The following MAP4K4 variants were observed in gnomAD, a reference collection of about 807,000 sequenced individuals.
The protein encoded by MAP4K4 is mitogen-activated protein kinase kinase kinase kinase 4.
In MAP4K4, 38 loss-of-function variants were observed where a neutral mutation model predicts 189.6. The observed-to-expected ratio is 0.20, with a 90% CI of 0.15 to 0.26. The LOEUF (loss-of-function observed/expected upper bound fraction) is 0.26. MAP4K4 is among the 10% of genes least tolerant of loss of function. The pLI is 1.00. For missense variants in MAP4K4, 1,054 were observed against 1,726.9 expected (o/e 0.61, Z 6.91); for synonymous variants, 610 against 624.3 (o/e 0.98, Z 0.34).
intron 2 of MAP4K4, among the ~76,000 whole-genome samples, chr2:101,751,496 G>T (rs149625017): frequency 2.0e-5 from 3 of 152,258 alleles, no homozygotes; most frequent in African/African-American, 7.2e-5. Context: ...AGGCCAGAGG[G>T]GGTGAAACTT....
At chr2:101,863,895 T>C in exon 17 of MAP4K4, 1 of 1,367,726 alleles carries the variant, frequency 7.3e-7, no homozygotes, top group Non-Finnish European at 9.8e-7. Flanking sequence ...TCAGTGACCC[T>C]TCTCCCAAAT....
chr2:101,842,550 G>C (rs774365777), intron 10 of MAP4K4, 59 bp from the exon 11 acceptor site: 4 of 1,262,210 alleles, frequency 3.2e-6, no homozygotes, highest in Non-Finnish European at 4.5e-6. Flanking sequence ...ATGCTTGTCT[G>C]AACAGGCGTG....
intron 2 of MAP4K4, among the ~76,000 whole-genome samples, chr2:101,775,512 A>G (rs971450032): frequency 1.3e-5 from 2 of 151,964 alleles, no homozygotes; most frequent in African/African-American, 4.8e-5. Context: ...ATTACTGAAT[A>G]TGTTTGTCAT....
chr2:101,773,423 A>T (rs2150385579), intron 2 of MAP4K4, among the ~76,000 whole-genome samples: 1 of 152,306 alleles, frequency 6.6e-6, no homozygotes, highest in Admixed American at 6.5e-5. Flanking sequence ...ATTGCCTTCA[A>T]TTTTTTTCTT....
intron 5 of MAP4K4, among the ~76,000 whole-genome samples, chr2:101,826,048 C>A (rs1322477829): frequency 6.6e-6 from 1 of 152,114 alleles, no homozygotes; most frequent in East Asian, 1.9e-4. Context: ...TTGAGCAGTG[C>A]ATGTAGGATA....
At chr2:101,859,192 C>T in intron 14 of MAP4K4, 110 bp downstream of exon 14, 1 of 875,992 alleles carries the variant, frequency 1.1e-6, no homozygotes. Flanking sequence ...CTGTGGGCAG[C>T]CAGGCTGAAA....
intron 2 of MAP4K4, among the ~76,000 whole-genome samples, chr2:101,778,617 C>T (rs191950452): frequency 6.6e-5 from 10 of 152,112 alleles, no homozygotes; most frequent in African/African-American, 1.2e-4. Flanking sequence ...TAAGAGGAGT[C>T]GGAGAGGATC....
intron 2 of MAP4K4, among the ~76,000 whole-genome samples, chr2:101,762,948 C>A (rs1295108779): frequency 6.6e-6 from 1 of 152,078 alleles, no homozygotes; most frequent in African/African-American, 2.4e-5. Flanking sequence ...TGAGTGGCCG[C>A]CATTTGTGGA....
At chr2:101,726,055 C>T (rs956906931) in intron 2 of MAP4K4, among the ~76,000 whole-genome samples, 1 of 152,170 alleles carries the variant, frequency 6.6e-6, no homozygotes, top group Admixed American at 6.5e-5. Context: ...TCACCGCTTC[C>T]TCAGGTTGGG....
rs201233442 is a variant in MAP4K4 at position 101,773,956 on chromosome 2, C to T, written c.124-16764C>T. 3.9e-5 allele frequency among the ~76,000 whole-genome samples: 6 copies of T among 152,292 alleles called. No individual in the cohort carries two copies. In the East Asian group the frequency reaches 5.8e-4, roughly 15 times the overall value. On this transcript the variant is annotated intron_variant, in intron 2 of 32. Coordinates refer to ENST00000324219, the Ensembl canonical transcript of MAP4K4. ...TATAAGTACATTTTCTTTATCCATT[C>T]GTCTATTAATGGACACTTAGGTTGC...
At chr2:101,867,466 C>G (rs574438329) in intron 20 of MAP4K4, 157 bp downstream of exon 20, 775 of 603,194 alleles carry the variant, frequency 1.3e-3, no homozygotes, top group Non-Finnish European at 1.8e-3. Context: ...CATACTTGTT[C>G]CCTTCCATTG....
At chr2:101,839,841 A>G (rs773869416) in exon 10 of MAP4K4, 18 of 1,593,632 alleles carry the variant, frequency 1.1e-5, no homozygotes, top group Non-Finnish European at 1.5e-5. Flanking sequence ...TTTTAGTTTT[A>G]TAGAAGGGTG....
chr2:101,883,508 AT>A (rs561070534), intron 28 of MAP4K4, among the ~76,000 whole-genome samples: 4 of 151,662 alleles, frequency 2.6e-5, no homozygotes, highest in South Asian at 4.2e-4. Context: ...AATCAAAACA[AT>A]TTTTTTTTAA....
chr2:101,704,567 A>ATTTTTTTTTTTTTTTTT (rs57278834), intron 2 of MAP4K4, among the ~76,000 whole-genome samples: 3 of 23,398 alleles, frequency 1.3e-4, no homozygotes, highest in African/African-American at 9.6e-4. Context: ...ATATATATAT[A>ATTTTTTTTTTTTTTTTT]TTTTTTTTTT....
chr2:101,709,739 A>G (rs2044365585), intron 2 of MAP4K4, among the ~76,000 whole-genome samples: 1 of 152,088 alleles, frequency 6.6e-6, no homozygotes, highest in Non-Finnish European at 1.5e-5. Context: ...AAACAAAGCA[A>G]AATATGTTAT....
intron 12 of MAP4K4, among the ~76,000 whole-genome samples, chr2:101,848,700 A>G (rs560164877): frequency 2.6e-5 from 4 of 152,090 alleles, no homozygotes; most frequent in African/African-American, 9.6e-5. Context: ...TAGGTCCTTC[A>G]TCTTTAAGAA....
At chr2:101,744,027 A>G (rs2064007265) in intron 2 of MAP4K4, among the ~76,000 whole-genome samples, 1 of 152,102 alleles carries the variant, frequency 6.6e-6, no homozygotes, top group South Asian at 2.1e-4. Context: ...TGTTTCTAGC[A>G]CCTCTCTTTA....
At chr2:101,838,332 A>G (rs373576694) in intron 9 of MAP4K4, among the ~76,000 whole-genome samples, 2 of 152,240 alleles carry the variant, frequency 1.3e-5, no homozygotes. Context: ...AAAGCATTTC[A>G]CTGTACTGTG....
rs773621504 is a variant in MAP4K4 at position 101,863,852 on chromosome 2, A to G, written c.1898A>G (p.Asn633Ser). Residue 633 changes from asparagine (N) to serine (S), a missense_variant, in exon 17 of 33, where the codon AAC (asparagine) becomes AGC (serine). This residue lies in a region of MAP4K4 where 646 missense variants were observed against 796.2 expected (regional missense o/e 0.81). Coordinates refer to ENST00000324219, the Ensembl canonical transcript of MAP4K4. ...TGGTCCCACCTGGCATCTCTCAAGA[A>G]CAATGTTTCCCCTGTCTCGCGATCC... The G allele has an allele frequency of 2.4e-5, 33 of 1,367,592 alleles. 1 individual carries two copies. The highest frequency in any genetic ancestry group is 3.2e-5 in the Non-Finnish European group (33 of 1,021,868). 84.7% of individuals were successfully genotyped at this position (1,367,592 alleles called of 1,614,324 possible).
Sources: gnomAD v4.1 joint callset for allele counts (sites outside exome capture counted in the v4.1 genomes callset) on GRCh38, gnomAD v4.1.1 for gene constraint, gnomAD v4.1.1 regional missense constraint, MANE v1.5 for transcripts, NCBI Gene and HGNC (gene_info 2026-07-23, HGNC 2026-07-21) for gene names.